The following DNAH14 variants were observed in gnomAD, a reference collection of about 807,000 sequenced individuals.
DNAH14 encodes dynein axonemal heavy chain 14, also known as axonemal beta dynein heavy chain 14.
DNAH14 carries 478 observed loss-of-function variants against 520.9 expected under a neutral mutation model. The ratio of observed to expected loss-of-function variants is 0.92; its 90% confidence interval spans 0.85 to 0.99. The LOEUF is 0.99. Among genes scored for constraint, DNAH14 ranks in the 50% least tolerant of loss-of-function variants. The probability of loss-of-function intolerance (pLI) is 0.00; values close to 1 mark genes in which losing one functional copy is unlikely to be tolerated. For synonymous variants in DNAH14, 1,581 were observed against 1,757.2 expected (o/e 0.90, Z 2.51); for missense variants, 4,831 against 5,234.5 (o/e 0.92, Z 2.38).
At chr1:225,152,620 G>T (rs2080605608) in intron 32 of DNAH14, 77 bp from the exon 33 acceptor site, 3 of 1,290,884 alleles carry the variant, frequency 2.3e-6, no homozygotes, top group Non-Finnish European at 3.1e-6. Context: ...TAATTATTTT[G>T]GGGAAAAGTA....
intron 8 of DNAH14, among the ~76,000 whole-genome samples, chr1:224,978,970 A>T (rs756843271): frequency 6.6e-6 from 1 of 152,172 alleles, no homozygotes; most frequent in African/African-American, 2.4e-5. Flanking sequence ...AATGTTATCA[A>T]GTCAAAGAAA....
chr1:225,251,936 T>A (rs953132398), intron 43 of DNAH14, among the ~76,000 whole-genome samples: 1 of 152,196 alleles, frequency 6.6e-6, no homozygotes, highest in Non-Finnish European at 1.5e-5. Flanking sequence ...AATAGAAAGA[T>A]AAGTGTGATT....
At chr1:224,979,571 A>G (rs1179175768) in intron 8 of DNAH14, among the ~76,000 whole-genome samples, 2 of 152,216 alleles carry the variant, frequency 1.3e-5, no homozygotes, top group Non-Finnish European at 2.9e-5. Flanking sequence ...CACAAGGACC[A>G]CAATTCTTGA....
At chr1:225,138,450 G>C (rs943658083) in intron 27 of DNAH14, among the ~76,000 whole-genome samples, 1 of 152,238 alleles carries the variant, frequency 6.6e-6, no homozygotes, top group African/African-American at 2.4e-5. Context: ...GAGGCCTACA[G>C]AAGGACGCTG....
Position 225,289,542 on chromosome 1 carries a change from C to G in DNAH14, c.8272-343C>G, listed in dbSNP as rs572864039. Among the ~76,000 whole-genome samples the G allele has an allele frequency of 4.5e-4, 68 of 152,140 alleles. No homozygotes were observed. The South Asian group carries it at 0.013, about 30-fold the overall frequency. The stretch of plus-strand genomic sequence containing the variant: ...TCAAAATAAAAAGGAAAAGATCTAT[C>G]TAGTTACTTATAAATGAAGAATCAA... On this transcript the variant is annotated intron_variant, in intron 54 of 85. Coordinates refer to ENST00000682510, the MANE Select transcript of DNAH14 (RefSeq NM_001367479.1).
intron 54 of DNAH14, among the ~76,000 whole-genome samples, chr1:225,286,021 C>T (rs1020322864): frequency 6.6e-6 from 1 of 152,140 alleles, no homozygotes; most frequent in African/African-American, 2.4e-5. Context: ...GCCTGGAAGG[C>T]CTCATGTTAA....
intron 27 of DNAH14, among the ~76,000 whole-genome samples, chr1:225,128,043 C>T (rs181225700): frequency 9.9e-4 from 151 of 152,276 alleles, no homozygotes; most frequent in African/African-American, 3.5e-3. Flanking sequence ...GGCCCCCACT[C>T]TCTTCTGGCT....
chr1:224,979,682 C>G lies in DNAH14; in HGVS notation c.830+5529C>G, dbSNP rs185188308. Among the ~76,000 whole-genome samples the G allele has an allele frequency of 2.6e-5, 4 of 152,316 alleles. No homozygotes were observed. The East Asian group carries it at 5.8e-4, about 22-fold the overall frequency. On this transcript the variant is annotated intron_variant, in intron 8 of 85. Transcript: ENST00000682510. ...AAGGCTAAGAGAGTGCTTGCACCTA[C>G]CTCCGCTAACCCCAGGCAGCACACC...
rs1558561487 is a variant in DNAH14, at chr1:225,374,261, TA to T, written c.12319-426del. ...ATATATATTTGTCTATATATATATA[TA>T]TATATATATTTTTTTTTGAGATAGA... On this transcript the variant is annotated intron_variant, in intron 77 of 85. Coordinates refer to ENST00000682510, the MANE Select transcript of DNAH14 (RefSeq NM_001367479.1). Among the ~76,000 whole-genome samples the T allele has an allele frequency of 1.7e-3, 190 of 109,424 alleles. 3 individuals are homozygous for T. Among genetic ancestry groups the T allele is most frequent in the African/African-American group, 4.3e-3 (117 of 27,528 alleles). The allele number at this position is 109,424 out of a possible 152,430, so 71.8% of individuals were successfully genotyped here.
At chr1:225,328,771 T>C (rs1432433738) in intron 64 of DNAH14, among the ~76,000 whole-genome samples, 1 of 152,134 alleles carries the variant, frequency 6.6e-6, no homozygotes, top group East Asian at 1.9e-4. Context: ...CCCCATGCGT[T>C]AATATGTAAG....
chr1:224,982,013 T>C (rs898730106), intron 8 of DNAH14, among the ~76,000 whole-genome samples: 1 of 152,168 alleles, frequency 6.6e-6, no homozygotes, highest in Non-Finnish European at 1.5e-5. Context: ...CTAGGGACAA[T>C]AGAGGCTTCC....
chr1:225,068,199 T>C (rs1166382542), intron 17 of DNAH14, among the ~76,000 whole-genome samples: 1 of 152,214 alleles, frequency 6.6e-6, no homozygotes, highest in Non-Finnish European at 1.5e-5. Context: ...ATTTATTGAA[T>C]AGGGATTCCT....
At chr1:225,289,155 G>C (rs1156538236) in intron 54 of DNAH14, among the ~76,000 whole-genome samples, 1 of 152,086 alleles carries the variant, frequency 6.6e-6, no homozygotes, top group Admixed American at 6.6e-5. Context: ...CATACAACAT[G>C]AAAGAACTTA....
intron 77 of DNAH14, among the ~76,000 whole-genome samples, chr1:225,373,164 C>T (rs2095639263): frequency 1.3e-5 from 1 of 77,286 alleles, no homozygotes; most frequent in Non-Finnish European, 2.9e-5. Context: ...GCTAAACTAG[C>T]ATTTGTGGAA....
At position 225,177,518 on chromosome 1, in the gene DNAH14, G is replaced by A. The variant is rs549945825; in HGVS notation, c.5536-7773G>A. On this transcript the variant is annotated intron_variant, in intron 36 of 85. Coordinates refer to ENST00000682510, the MANE Select transcript of DNAH14 (RefSeq NM_001367479.1). ...CATGTCAGAGGTCTTCATCACAGCCGTTCCCATCACAGGCCTGGAGGCCTA... is the reference window on the plus strand; with the variant it reads ...CATGTCAGAGGTCTTCATCACAGCCATTCCCATCACAGGCCTGGAGGCCTA... Among the ~76,000 whole-genome samples the A allele has an allele frequency of 1.2e-4, 19 of 152,298 alleles. No individual in the cohort carries two copies. In the East Asian group the frequency reaches 1.4e-3, roughly 11 times the overall value.
chr1:225,024,367 C>A, intron 11 of DNAH14: 1 of 524,182 alleles, frequency 1.9e-6, no homozygotes. Context: ...ACATTTTTAC[C>A]TTCTAAACAC....
chr1:225,289,610 C>CT (rs1574543609), intron 54 of DNAH14, among the ~76,000 whole-genome samples: 2 of 151,872 alleles, frequency 1.3e-5, no homozygotes, highest in Middle Eastern at 3.4e-3. Context: ...CCTATCTGTG[C>CT]TTTTTTCAAG....
chr1:225,270,966 T>C (rs1246158816), intron 50 of DNAH14, 100 bp downstream of exon 50: 1 of 1,232,712 alleles, frequency 8.1e-7, no homozygotes, highest in Non-Finnish European at 1.1e-6. Context: ...AAAATTACTT[T>C]AAGGGGATAG....
At chr1:225,189,433 G>A (rs1465216391) in intron 37 of DNAH14, among the ~76,000 whole-genome samples, 3 of 148,058 alleles carry the variant, frequency 2.0e-5, no homozygotes, top group Non-Finnish European at 4.5e-5. Context: ...TTTTACAAGA[G>A]TTTGAGTAGG....
Sources: allele counts gnomAD v4.1 joint callset (sites outside exome capture counted in the v4.1 genomes callset), GRCh38; gene constraint gnomAD v4.1.1; transcripts MANE v1.5; gene names NCBI Gene and HGNC (gene_info 2026-07-23, HGNC 2026-07-21).